Variants in ACTA2 observed in about 807,000 individuals in gnomAD.
ACTA2 encodes the protein actin, aortic smooth muscle.
In ACTA2, 12 loss-of-function variants were observed where a neutral mutation model predicts 39.5. The observed-to-expected ratio is 0.30, with a 90% CI of 0.19 to 0.49. The LOEUF is 0.49. Ranked by LOEUF, ACTA2 falls within the 20% of genes least tolerant of loss-of-function variation. The probability of loss-of-function intolerance (pLI) is 0.99; values close to 1 mark genes in which losing one functional copy is unlikely to be tolerated. For synonymous variants in ACTA2, 158 were observed against 180.6 expected (o/e 0.88, Z 1.00); for missense variants, 236 against 498.8 (o/e 0.47, Z 5.02).
At chr10:88,967,931 A>G (rs1383655178) in intron 1 of ACTA2, among the ~76,000 whole-genome samples, 1 of 152,138 alleles carries the variant, frequency 6.6e-6, no homozygotes, top group African/African-American at 2.4e-5. Context: ...AGAGTTTGTT[A>G]GTATGATTAT....
intron 2 of ACTA2, chr10:88,948,538 T>A: frequency 2.3e-6 from 1 of 427,466 alleles, no homozygotes; most frequent in Non-Finnish European, 4.4e-6. Flanking sequence ...GATTTGATGA[T>A]GATGATGATG....
rs186738332 is a variant in ACTA2 at position 88,936,042 on chromosome 10, A to G, written c.991-676T>C. On this transcript the variant is annotated intron_variant, in intron 8 of 8. Transcript: ENST00000224784. Reference sequence around the variant, plus strand: ...CCAGTTTAATCTTTATCTTCTGAGCATTTACTTCTTAATACAAAGTACTGA... The same window carrying G: ...CCAGTTTAATCTTTATCTTCTGAGCGTTTACTTCTTAATACAAAGTACTGA... Among the ~76,000 whole-genome samples, 119 of 152,372 alleles carry G rather than the reference A, an allele frequency of 7.8e-4. 1 individual carries two copies. Among genetic ancestry groups the G allele is most frequent in the Non-Finnish European group, 2.8e-4 (19 of 68,042 alleles).
chr10:88,985,830 A>G (rs549262477), intron 1 of ACTA2, among the ~76,000 whole-genome samples: 3 of 152,334 alleles, frequency 2.0e-5, no homozygotes, highest in East Asian at 1.9e-4. Flanking sequence ...GAGGAAGTCT[A>G]AAGTAGAGAG....
At chr10:88,987,949 G>GAA (rs74263159) in intron 1 of ACTA2, among the ~76,000 whole-genome samples, 2 of 142,802 alleles carry the variant, frequency 1.4e-5, no homozygotes, top group African/African-American at 5.1e-5. Context: ...CCTTAAAAAA[G>GAA]AAAAAAAAAA....
chr10:88,944,221 T>C (rs1342005561), intron 3 of ACTA2, among the ~76,000 whole-genome samples: 4 of 152,132 alleles, frequency 2.6e-5, no homozygotes, highest in Admixed American at 6.5e-5. Flanking sequence ...CACTTCTTAG[T>C]TGTGTGAGCT....
intron 1 of ACTA2, among the ~76,000 whole-genome samples, chr10:88,986,679 G>GAAAGGAAGTAATA (rs1564665579): frequency 4.5e-4 from 29 of 64,660 alleles, no homozygotes; most frequent in Non-Finnish European, 7.5e-4. Flanking sequence ...AGGAAGTAGT[G>GAAAGGAAGTAATA]CAGGAAGGAA....
At chr10:88,977,618 C>T (rs1176800851) in intron 1 of ACTA2, among the ~76,000 whole-genome samples, 2 of 151,102 alleles carry the variant, frequency 1.3e-5, no homozygotes, top group Non-Finnish European at 3.0e-5. Context: ...CAAAAGAAGA[C>T]ATTTATGCAG....
chr10:88,980,743 C>T (rs866222390), intron 1 of ACTA2, among the ~76,000 whole-genome samples: 1 of 152,088 alleles, frequency 6.6e-6, no homozygotes, highest in Non-Finnish European at 1.5e-5. Flanking sequence ...GAATGAGACT[C>T]GAGCCATATA....
intron 1 of ACTA2, among the ~76,000 whole-genome samples, chr10:88,978,402 AAAAT>A (rs369548963): frequency 0.011 from 1,742 of 152,200 alleles, 22 homozygotes; most frequent in African/African-American, 0.035. Flanking sequence ...AGTATAATAA[AAAAT>A]AAATAAATAA....
At chr10:88,962,296 T>C (rs1234450456) in intron 1 of ACTA2, among the ~76,000 whole-genome samples, 1 of 152,196 alleles carries the variant, frequency 6.6e-6, no homozygotes, top group African/African-American at 2.4e-5. Context: ...GCTGTGGGTC[T>C]TCAGTTTGTA....
At chr10:88,953,868 A>G (rs540221131), upstream of ACTA2, among the ~76,000 whole-genome samples, 2 of 152,208 alleles carry the variant, frequency 1.3e-5, no homozygotes, top group East Asian at 3.9e-4. Context: ...TTTTGCCATG[A>G]GTTTAAGTTT....
intron 1 of ACTA2, among the ~76,000 whole-genome samples, chr10:88,966,529 T>C (rs1846320456): frequency 6.6e-6 from 1 of 152,208 alleles, no homozygotes; most frequent in African/African-American, 2.4e-5. Context: ...ATAGGCAGTA[T>C]AAACTCTTCT....
intron 1 of ACTA2, chr10:88,973,178 A>G: frequency 6.2e-7 from 1 of 1,611,804 alleles, no homozygotes; most frequent in South Asian, 1.1e-5. Context: ...TGTGTGACCT[A>G]TAGATTCAGA....
At chr10:88,960,288 C>A (rs1449699078) in intron 1 of ACTA2, among the ~76,000 whole-genome samples, 1 of 152,100 alleles carries the variant, frequency 6.6e-6, no homozygotes, top group Non-Finnish European at 1.5e-5. Context: ...CTGAAGGAGG[C>A]AGAACCACAT....
At chr10:88,991,137 G>GCTTTC in exon 1 of ACTA2, 1 of 618,648 alleles carries the variant, frequency 1.6e-6, no homozygotes, top group Non-Finnish European at 2.8e-6. Flanking sequence ...CTTGGGCCTT[G>GCTTTC]ATGCGAAGTG....
intron 1 of ACTA2, among the ~76,000 whole-genome samples, chr10:88,970,024 A>G (rs1219620074): frequency 6.6e-6 from 1 of 152,240 alleles, no homozygotes; most frequent in Admixed American, 6.5e-5. Flanking sequence ...GTCAGATGTA[A>G]CCACACTGAT....
chr10:88,964,500 G>T (rs1014601270), intron 1 of ACTA2, among the ~76,000 whole-genome samples: 1 of 152,308 alleles, frequency 6.6e-6, no homozygotes, highest in African/African-American at 2.4e-5. Flanking sequence ...AGTCTGTTAT[G>T]TAGATTTCCC....
chr10:88,940,306 C>G (rs372814480), intron 6 of ACTA2: 5 of 160,126 alleles, frequency 3.1e-5, no homozygotes, highest in South Asian at 3.4e-4. Context: ...AGGGAGAGAC[C>G]TTTCAGACTT....
intron 1 of ACTA2, among the ~76,000 whole-genome samples, chr10:88,971,757 T>A (rs1846452466): frequency 6.6e-6 from 1 of 152,180 alleles, no homozygotes; most frequent in Non-Finnish European, 1.5e-5. Flanking sequence ...CCTCTTTTTG[T>A]CCTTCCTGCA....
Sources: allele counts gnomAD v4.1 joint callset (sites outside exome capture counted in the v4.1 genomes callset), GRCh38; gene constraint gnomAD v4.1.1; transcripts MANE v1.5; gene names NCBI Gene and HGNC (gene_info 2026-07-23, HGNC 2026-07-21).